The following SGCG variants were observed in gnomAD, a reference collection of about 807,000 sequenced individuals.
SGCG encodes sarcoglycan gamma.
A neutral mutation model predicts 29.3 loss-of-function variants in SGCG; 26 were observed. The ratio of observed to expected loss-of-function variants is 0.89; its 90% CI spans 0.65 to 1.23. SGCG has a LOEUF of 1.23. Among genes scored for constraint, SGCG ranks in the 50% most tolerant of loss-of-function variants. The probability of loss-of-function intolerance (pLI) is 0.00; values close to 1 mark genes in which losing one functional copy is unlikely to be tolerated. For missense variants in SGCG, 353 were observed against 356.0 expected, an observed-to-expected ratio of 0.99 and a Z score of 0.07; for synonymous variants, 145 against 129.7, an observed-to-expected ratio of 1.12 and a Z score of -0.80.
At chr13:23,200,160 T>C (rs1007912194) in intron 1 of SGCG, among the ~76,000 whole-genome samples, 4 of 152,154 alleles carry the variant, frequency 2.6e-5, no homozygotes, top group East Asian at 1.9e-4. Flanking sequence ...TGGTGGTGCA[T>C]GCCTGTAATC....
chr13:23,171,350 G>A, the SGCG span, among the ~76,000 whole-genome samples: 2 of 152,148 alleles, frequency 1.3e-5, no homozygotes, highest in Admixed American at 1.3e-4. Flanking sequence ...GACCATTGAA[G>A]AAGATAACTT....
intron 3 of SGCG, among the ~76,000 whole-genome samples, chr13:23,238,318 G>A (rs554882710): frequency 1.3e-5 from 2 of 152,302 alleles, no homozygotes; most frequent in South Asian, 4.1e-4. Flanking sequence ...GCGCTCCAGA[G>A]ATGGCAGAGA....
intron 5 of SGCG, among the ~76,000 whole-genome samples, chr13:23,290,542 A>G (rs896671296): frequency 3.3e-5 from 5 of 152,172 alleles, no homozygotes; most frequent in Non-Finnish European, 7.3e-5. Context: ...TCTTAAGGAG[A>G]GCATTTTTCA....
intron 2 of SGCG, among the ~76,000 whole-genome samples, chr13:23,231,329 CTTTT>C (rs57796934): frequency 1.6e-4 from 24 of 145,470 alleles, no homozygotes; most frequent in East Asian, 4.0e-4. Flanking sequence ...CCCTCTTTCT[CTTTT>C]TTTTTTTTTT....
chr13:23,227,907 C>A (rs1878964516), intron 2 of SGCG, among the ~76,000 whole-genome samples: 1 of 152,174 alleles, frequency 6.6e-6, no homozygotes, highest in Non-Finnish European at 1.5e-5. Flanking sequence ...TCCTCCTGGG[C>A]TCAAGGGATC....
chr13:23,195,456 T>G (rs1047960283), intron 1 of SGCG, among the ~76,000 whole-genome samples: 7 of 152,306 alleles, frequency 4.6e-5, no homozygotes, highest in South Asian at 4.1e-4. Context: ...TTTATTTTTT[T>G]TTTCCCTTTT....
chr13:23,269,181 G>A (rs1880760476), intron 4 of SGCG: 1 of 152,162 alleles, frequency 6.6e-6, no homozygotes, highest in Admixed American at 6.5e-5. Flanking sequence ...TTCATTCCAA[G>A]GATAATGCTG....
chr13:23,209,564 G>A (rs1593174089), intron 2 of SGCG, among the ~76,000 whole-genome samples: 1 of 152,204 alleles, frequency 6.6e-6, no homozygotes, highest in East Asian at 1.9e-4. Context: ...AGATATGCAA[G>A]TGACCACAGG....
In SGCG at chr13:23,324,542, G is replaced by T. The variant is rs1400794343; in HGVS notation, c.*1G>T. 1 of 1,609,850 alleles carries T rather than the reference G, an allele frequency of 6.2e-7. No homozygotes were observed. The highest frequency in any genetic ancestry group is 8.5e-7 in the Non-Finnish European group (1 of 1,179,796). ...GGAGCACAACCACATCTGCCTCTGA[G>T]CTGCCTGCGTCCTCTCGGTGAGCTG... On this transcript the variant is annotated 3_prime_UTR_variant, in exon 8 of 8. Transcript: ENST00000218867.
intron 1 of SGCG, among the ~76,000 whole-genome samples, chr13:23,195,621 T>C (rs1263355182): frequency 6.6e-6 from 1 of 152,148 alleles, no homozygotes; most frequent in African/African-American, 2.4e-5. Flanking sequence ...CCATTTTATT[T>C]TAAAAGTCAG....
At chr13:23,311,150 T>G (rs1882584171) in intron 6 of SGCG, among the ~76,000 whole-genome samples, 1 of 152,248 alleles carries the variant, frequency 6.6e-6, no homozygotes, top group Non-Finnish European at 1.5e-5. Flanking sequence ...CTATCTAGGC[T>G]GACAATAATT....
chr13:23,169,120 G>A, the SGCG span, among the ~76,000 whole-genome samples: 1 of 151,790 alleles, frequency 6.6e-6, no homozygotes, highest in South Asian at 2.1e-4. Context: ...GCAAAACCTA[G>A]TAATCTTTCT....
chr13:23,274,165 T>G (rs1880973154), intron 4 of SGCG, among the ~76,000 whole-genome samples: 1 of 152,160 alleles, frequency 6.6e-6, no homozygotes, highest in Non-Finnish European at 1.5e-5. Flanking sequence ...TATCAGGATT[T>G]TTATCCCAGC....
In SGCG at chr13:23,188,311, C is replaced by CTT. The variant is rs71100159; in HGVS notation, c.-1+7266_-1+7267dup. ...CGTCTGAACACATCTTTTACTAAGG[C>CTT]TTTTTTTTTTTTTTTTTTTTTTTTT... On this transcript the variant is annotated intron_variant, in intron 1 of 7. Transcript: ENST00000218867. Among the ~76,000 whole-genome samples, 182 of 78,350 alleles carry CTT rather than the reference C, an allele frequency of 2.3e-3. 16 individuals carry two copies. Among genetic ancestry groups the CTT allele is most frequent in the African/African-American group, 5.5e-3 (112 of 20,258 alleles). The allele number at this position is 78,350 out of a possible 152,430, so 51.4% of individuals were successfully genotyped here.
intron 4 of SGCG, among the ~76,000 whole-genome samples, chr13:23,261,273 TA>T (rs77352466): frequency 2.7e-5 from 4 of 150,522 alleles, no homozygotes; most frequent in East Asian, 2.0e-4. Context: ...CAGTTATGAG[TA>T]AAAAAAAATC....
At chr13:23,174,083 AC>A in the SGCG span, among the ~76,000 whole-genome samples, 1 of 152,218 alleles carries the variant, frequency 6.6e-6, no homozygotes, top group Non-Finnish European at 1.5e-5. Flanking sequence ...AAAGTGTCAG[AC>A]AATCTGCTTC....
intron 4 of SGCG, among the ~76,000 whole-genome samples, chr13:23,263,833 T>C (rs1880538871): frequency 6.6e-6 from 1 of 152,084 alleles, no homozygotes; most frequent in Non-Finnish European, 1.5e-5. Flanking sequence ...AACCATATGA[T>C]CATCTCAGTA....
intron 6 of SGCG, among the ~76,000 whole-genome samples, chr13:23,315,658 G>A (rs549234172): frequency 6.6e-5 from 10 of 152,220 alleles, no homozygotes; most frequent in Non-Finnish European, 1.3e-4. Flanking sequence ...CCAGTGGGCA[G>A]AACTTTGAGT....
chr13:23,324,410 C>T lies in SGCG; in HGVS notation c.745C>T (p.Gln249Ter), dbSNP rs1315410324. The T allele has an allele frequency of 6.2e-7, 1 of 1,614,164 alleles. No individual in the cohort carries two copies. ...AETVCLPKLV[Q>*]GTWGPSGSSQ... The stretch of plus-strand genomic sequence containing the variant: ...AACTGTGTGCTTACCCAAGCTGGTG[C>T]AGGGGACGTGGGGTCCCTCTGGCAG... Residue 249 changes from glutamine to a stop codon, truncating the protein, a stop_gained, in exon 8 of 8, where the codon CAG (glutamine) becomes TAG (stop). Coordinates refer to ENST00000218867, the MANE Select transcript of SGCG (RefSeq NM_000231.3). LOFTEE classifies it high-confidence loss of function.
Sources: gnomAD v4.1 joint callset for allele counts (sites outside exome capture counted in the v4.1 genomes callset) on GRCh38, gnomAD v4.1.1 for gene constraint, MANE v1.5 for transcripts, NCBI Gene and HGNC (gene_info 2026-07-23, HGNC 2026-07-21) for gene names.